Variants in NEGR1 observed in about 807,000 individuals in gnomAD.
NEGR1 encodes neuronal growth regulator 1, also known as IgLON family member 4.
NEGR1 carries 10 observed loss-of-function variants against 40.9 expected under a neutral mutation model. The ratio of observed to expected loss-of-function variants is 0.24; its 90% CI spans 0.15 to 0.42. The LOEUF (loss-of-function observed/expected upper bound fraction) is 0.42. Among genes scored for constraint, NEGR1 ranks in the 10% least tolerant of loss-of-function variants. The pLI is 1.00. For missense variants in NEGR1, 352 were observed against 438.9 expected, an observed-to-expected ratio of 0.80 and a Z score of 1.77; for synonymous variants, 185 against 166.8, an observed-to-expected ratio of 1.11 and a Z score of -0.84.
intron 4 of NEGR1, among the ~76,000 whole-genome samples, chr1:71,647,044 C>A (rs1187464975): frequency 6.6e-6 from 1 of 151,780 alleles, no homozygotes; most frequent in Non-Finnish European, 1.5e-5. Context: ...GTCAAATTCA[C>A]ATTATATAAG....
chr1:72,245,384 A>G (rs1238373887), intron 1 of NEGR1, among the ~76,000 whole-genome samples: 1 of 152,130 alleles, frequency 6.6e-6, no homozygotes, highest in Non-Finnish European at 1.5e-5. Flanking sequence ...CTATTGAAGT[A>G]GTCTAAGTAC....
chr1:72,242,065 A>G (rs1056266590), intron 1 of NEGR1, among the ~76,000 whole-genome samples: 2 of 151,814 alleles, frequency 1.3e-5, no homozygotes, highest in Non-Finnish European at 2.9e-5. Context: ...CAAACTATTA[A>G]TAAGGAGGTG....
At chr1:71,841,056 G>A (rs1391202438) in intron 2 of NEGR1, among the ~76,000 whole-genome samples, 1 of 151,878 alleles carries the variant, frequency 6.6e-6, no homozygotes, top group Non-Finnish European at 1.5e-5. Flanking sequence ...ATTTCTTAAG[G>A]TATATCTCTT....
intron 1 of NEGR1, among the ~76,000 whole-genome samples, chr1:72,073,128 C>G (rs1039198138): frequency 1.3e-5 from 2 of 152,046 alleles, no homozygotes; most frequent in African/African-American, 4.8e-5. Context: ...CAAAGAAGAC[C>G]TTAAGCTAAC....
At chr1:71,790,529 A>G (rs1657077927) in intron 2 of NEGR1, among the ~76,000 whole-genome samples, 1 of 152,156 alleles carries the variant, frequency 6.6e-6, no homozygotes, top group East Asian at 1.9e-4. Flanking sequence ...ATAAATATAA[A>G]AAATGCAAGG....
At chr1:72,096,219 G>GT (rs1474354224) in intron 1 of NEGR1, among the ~76,000 whole-genome samples, 1 of 152,024 alleles carries the variant, frequency 6.6e-6, no homozygotes, top group African/African-American at 2.4e-5. Flanking sequence ...CATTTTAAAT[G>GT]TTTTTTAAAA....
At chr1:72,163,106 T>C (rs1651643225) in intron 1 of NEGR1, among the ~76,000 whole-genome samples, 1 of 152,144 alleles carries the variant, frequency 6.6e-6, no homozygotes, top group Non-Finnish European at 1.5e-5. Context: ...GGAAAAGGGA[T>C]TATAAAGATC....
chr1:71,877,420 C>G (rs1388009126), intron 2 of NEGR1, among the ~76,000 whole-genome samples: 1 of 152,110 alleles, frequency 6.6e-6, no homozygotes, highest in African/African-American at 2.4e-5. Flanking sequence ...CTTCTGAGGG[C>G]TCCCTCCTTG....
chr1:71,777,771 A>C (rs898809864), intron 2 of NEGR1, among the ~76,000 whole-genome samples: 9 of 152,014 alleles, frequency 5.9e-5, no homozygotes, highest in Non-Finnish European at 1.0e-4. Flanking sequence ...AGAATGATAT[A>C]ATTACAAATA....
chr1:72,020,374 A>T (rs997988896), intron 1 of NEGR1, among the ~76,000 whole-genome samples: 1 of 152,166 alleles, frequency 6.6e-6, no homozygotes, highest in Non-Finnish European at 1.5e-5. Flanking sequence ...TATCTTCCAT[A>T]ACGTCAGGAT....
rs533657265 is a variant in NEGR1 at position 71,822,764 on chromosome 1, C to T, written c.410-46467G>A. Among the ~76,000 whole-genome samples the T allele has an allele frequency of 1.2e-4, 19 of 152,062 alleles. 1 individual carries two copies. Among genetic ancestry groups the T allele is most frequent in the East Asian group, 5.9e-4 (3 of 5,128 alleles). ...CAGTTCCACTATTAAAGGCTCACAG[C>T]GTGTTTGGGCCACTAGCATGGAATC... is the stretch of plus-strand genomic sequence containing the variant. On this transcript the variant is annotated intron_variant, in intron 2 of 6. Transcript: ENST00000357731.
At chr1:72,092,143 C>A (rs894255178) in intron 1 of NEGR1, among the ~76,000 whole-genome samples, 2 of 152,042 alleles carry the variant, frequency 1.3e-5, no homozygotes, top group Non-Finnish European at 2.9e-5. Context: ...CTCTGTTTTG[C>A]ATAATAAAAT....
chr1:71,942,663 G>A (rs1323910843), intron 1 of NEGR1, among the ~76,000 whole-genome samples: 6 of 134,086 alleles, frequency 4.5e-5, no homozygotes, highest in Non-Finnish European at 8.0e-5. Flanking sequence ...CACTACGCCC[G>A]GCTAATTTTT....
intron 1 of NEGR1, among the ~76,000 whole-genome samples, chr1:72,011,144 T>C (rs912561279): frequency 4.6e-5 from 7 of 152,144 alleles, no homozygotes; most frequent in African/African-American, 1.7e-4. Flanking sequence ...GTCATGTCAA[T>C]GAAGATCAAT....
intron 1 of NEGR1, among the ~76,000 whole-genome samples, chr1:71,960,693 C>G (rs1435904688): frequency 1.3e-5 from 2 of 152,082 alleles, no homozygotes; most frequent in Non-Finnish European, 2.9e-5. Context: ...TTAGGAGGCT[C>G]AGAGTTAATC....
chr1:72,154,955 C>T (rs1162086061), intron 1 of NEGR1, among the ~76,000 whole-genome samples: 1 of 151,880 alleles, frequency 6.6e-6, no homozygotes, highest in East Asian at 1.9e-4. Context: ...ACAATATATA[C>T]AATGATACAT....
At chr1:71,548,733 T>A (rs1448638045) in intron 6 of NEGR1, among the ~76,000 whole-genome samples, 1 of 151,652 alleles carries the variant, frequency 6.6e-6, no homozygotes, top group African/African-American at 2.4e-5. Flanking sequence ...CTACAACATA[T>A]AAAGGAGCAC....
At position 71,403,310 on chromosome 1, in the gene NEGR1, T is replaced by A. The variant is rs545466877; in HGVS notation, c.*4136A>T. The A allele has an allele frequency of 6.6e-6, 1 of 152,162 alleles. No individual in the cohort carries two copies. The highest frequency in any genetic ancestry group is 2.1e-4 in the South Asian group (1 of 4,816). The allele number at this position is 152,162 out of a possible 1,614,324, so 9.4% of individuals were successfully genotyped here. A position where few individuals can be genotyped will look rare whatever the true frequency, so the allele number is the denominator to read the frequency against. On this transcript the variant is annotated 3_prime_UTR_variant, in exon 7 of 7. Coordinates refer to ENST00000357731, the MANE Select transcript of NEGR1 (RefSeq NM_173808.3). ...ATACCTTCAGGTGCCCGTTGTTTTATACCCAGCTGTTAAGAAATTACACTC... is the reference window on the plus strand; with the variant it reads ...ATACCTTCAGGTGCCCGTTGTTTTAAACCCAGCTGTTAAGAAATTACACTC...
intron 2 of NEGR1, among the ~76,000 whole-genome samples, chr1:71,903,558 T>A (rs1037029225): frequency 6.6e-6 from 1 of 151,954 alleles, no homozygotes; most frequent in African/African-American, 2.4e-5. Flanking sequence ...AGAAGTCCCA[T>A]GAATAAGGTG....
Sources: allele counts gnomAD v4.1 joint callset (sites outside exome capture counted in the v4.1 genomes callset), GRCh38; gene constraint gnomAD v4.1.1; transcripts MANE v1.5; gene names NCBI Gene and HGNC (gene_info 2026-07-23, HGNC 2026-07-21).